The following MYO5B variants were observed in gnomAD, a reference collection of about 807,000 sequenced individuals.
MYO5B encodes myosin VB.
Under a neutral mutation model 229.3 loss-of-function variants are expected in MYO5B, and 143 were observed. That is an observed-to-expected ratio of 0.62 (90% CI 0.54 to 0.72). The LOEUF (loss-of-function observed/expected upper bound fraction) is 0.72. MYO5B is among the 30% of genes least tolerant of loss of function. The pLI, the probability that MYO5B is intolerant of heterozygous loss-of-function variation, is 0.00. For synonymous variants in MYO5B, 918 were observed against 885.2 expected (o/e 1.04, Z -0.66); for missense variants, 2,321 against 2,331.0 (o/e 1.00, Z 0.09).
intron 1 of MYO5B, among the ~76,000 whole-genome samples, chr18:50,078,958 A>G (rs986379574): frequency 1.3e-5 from 2 of 152,232 alleles, no homozygotes; most frequent in African/African-American, 2.4e-5. Context: ...GACACATCTC[A>G]TTTATAATGT....
chr18:50,157,979 T>C (rs918113973), intron 1 of MYO5B, among the ~76,000 whole-genome samples: 6 of 152,234 alleles, frequency 3.9e-5, no homozygotes, highest in Admixed American at 3.9e-4. Context: ...TTGGGAGGTT[T>C]TACTGTATGT....
chr18:50,035,560 C>G (rs2026439561), intron 4 of MYO5B, among the ~76,000 whole-genome samples: 2 of 152,196 alleles, frequency 1.3e-5, no homozygotes, highest in South Asian at 4.1e-4. Flanking sequence ...GCGCAGGCTG[C>G]ATACTGTGCA....
intron 16 of MYO5B, among the ~76,000 whole-genome samples, chr18:49,935,465 T>C (rs998803816): frequency 2.0e-5 from 3 of 152,142 alleles, no homozygotes; most frequent in African/African-American, 7.2e-5. Context: ...TCAGGTCTCA[T>C]GGGTGGATGA....
intron 1 of MYO5B, among the ~76,000 whole-genome samples, chr18:50,167,539 A>T (rs947243191): frequency 6.6e-6 from 1 of 152,240 alleles, no homozygotes; most frequent in African/African-American, 2.4e-5. Context: ...CAGATGAAAA[A>T]TAAGTTATAA....
chr18:50,110,977 A>C (rs2031854880), intron 1 of MYO5B, among the ~76,000 whole-genome samples: 1 of 152,218 alleles, frequency 6.6e-6, no homozygotes, highest in Non-Finnish European at 1.5e-5. Flanking sequence ...AACTACTTTA[A>C]AATGTTCACA....
intron 1 of MYO5B, among the ~76,000 whole-genome samples, chr18:50,155,983 G>A (rs1599063868): frequency 6.6e-6 from 1 of 152,098 alleles, no homozygotes; most frequent in East Asian, 1.9e-4. Context: ...AAAAATGGTG[G>A]CCTGCCACAG....
At chr18:50,047,470 A>C (rs9948407) in intron 2 of MYO5B, among the ~76,000 whole-genome samples, 5 of 151,952 alleles carry the variant, frequency 3.3e-5, no homozygotes, top group Non-Finnish European at 7.4e-5. Flanking sequence ...GGAGAAATAG[A>C]AACACTTTTA....
intron 25 of MYO5B, among the ~76,000 whole-genome samples, chr18:49,877,037 T>C (rs1415756617): frequency 6.6e-6 from 1 of 152,248 alleles, no homozygotes; most frequent in Non-Finnish European, 1.5e-5. Context: ...CAGCAGATCC[T>C]GCACAAAGAA....
intron 1 of MYO5B, among the ~76,000 whole-genome samples, chr18:50,103,275 TC>T (rs1443462979): frequency 6.6e-6 from 1 of 152,210 alleles, no homozygotes; most frequent in Non-Finnish European, 1.5e-5. Flanking sequence ...AGTTTCCATT[TC>T]CAACCAGTTT....
chr18:49,862,319 T>C (rs779101515), intron 29 of MYO5B, among the ~76,000 whole-genome samples: 10 of 152,158 alleles, frequency 6.6e-5, no homozygotes, highest in Admixed American at 1.3e-4. Flanking sequence ...TTTTTATAGG[T>C]GCCCACAGGG....
At chr18:50,049,929 T>G (rs752456034) in intron 2 of MYO5B, among the ~76,000 whole-genome samples, 1 of 152,228 alleles carries the variant, frequency 6.6e-6, no homozygotes, top group Non-Finnish European at 1.5e-5. Flanking sequence ...TTAATGCCAC[T>G]GAACTGTACA....
At chr18:50,162,758 T>C (rs1043943627) in intron 1 of MYO5B, among the ~76,000 whole-genome samples, 4 of 152,224 alleles carry the variant, frequency 2.6e-5, no homozygotes, top group Admixed American at 2.0e-4. Flanking sequence ...TGTGCCAACC[T>C]TTCTGAGGCA....
At chr18:50,109,570 C>T (rs111389607) in intron 1 of MYO5B, among the ~76,000 whole-genome samples, 79 of 152,178 alleles carry the variant, frequency 5.2e-4, no homozygotes, top group Middle Eastern at 3.4e-3. Context: ...GGACTACAGG[C>T]GCCGCCACCA....
In MYO5B at chr18:49,837,765, T is replaced by C. The variant is rs1658041570; in HGVS notation, c.4890A>G (p.Leu1630=). ...AMLENESIQG[L]SGVKPTGYRK... Reference sequence around the variant, plus strand: ...GGTAGCCGGTGGGCTTCACACCAGATAGACCCTGAATGCTCTCATTTTCCA... The same window carrying C: ...GGTAGCCGGTGGGCTTCACACCAGACAGACCCTGAATGCTCTCATTTTCCA... Residue 1630 remains leucine, a synonymous_variant, in exon 37 of 40, where the codon CTA becomes CTG. Coordinates refer to ENST00000285039, the MANE Select transcript of MYO5B (RefSeq NM_001080467.3). The C allele has an allele frequency of 1.2e-6, 2 of 1,614,220 alleles. No homozygotes were observed. The highest frequency in any genetic ancestry group is 1.7e-6 in the Non-Finnish European group (2 of 1,180,046).
chr18:50,087,589 A>G (rs1599011051), intron 1 of MYO5B, among the ~76,000 whole-genome samples: 1 of 151,456 alleles, frequency 6.6e-6, no homozygotes, highest in South Asian at 2.1e-4. Flanking sequence ...AAAAAAAAAA[A>G]GAATAAAAAT....
At chr18:50,174,426 C>T (rs1257217182) in intron 1 of MYO5B, among the ~76,000 whole-genome samples, 1 of 152,160 alleles carries the variant, frequency 6.6e-6, no homozygotes, top group Non-Finnish European at 1.5e-5. Context: ...ACCCTGACAT[C>T]AGGGATGGAA....
At chr18:49,942,733 G>A (rs1177786476) in intron 14 of MYO5B, among the ~76,000 whole-genome samples, 1 of 151,940 alleles carries the variant, frequency 6.6e-6, no homozygotes, top group Non-Finnish European at 1.5e-5. Flanking sequence ...TGGAGAGGAT[G>A]TGGAGAAATA....
chr18:49,984,686 G>C (rs1435814836), intron 8 of MYO5B, 32 bp downstream of exon 8: 2 of 1,527,858 alleles, frequency 1.3e-6, no homozygotes, highest in Non-Finnish European at 1.8e-6. Flanking sequence ...TCAGCCCTCG[G>C]GGCCTGCTTC....
chr18:50,114,603 G>A (rs1000126913), intron 1 of MYO5B, among the ~76,000 whole-genome samples: 1 of 152,348 alleles, frequency 6.6e-6, no homozygotes, highest in African/African-American at 2.4e-5. Context: ...AGCTGGGCAA[G>A]CATGTTAAGT....
Sources: gnomAD v4.1 joint callset for allele counts (sites outside exome capture counted in the v4.1 genomes callset) on GRCh38, gnomAD v4.1.1 for gene constraint, MANE v1.5 for transcripts, NCBI Gene and HGNC (gene_info 2026-07-23, HGNC 2026-07-21) for gene names.